PAK1: variants seen among roughly 807,000 people sequenced by gnomAD.
PAK1 encodes p21 (RAC1) activated kinase 1.
A neutral mutation model predicts 67.4 loss-of-function variants in PAK1; 29 were observed. The ratio of observed to expected loss-of-function variants is 0.43; its 90% confidence interval spans 0.32 to 0.59. PAK1 has a LOEUF of 0.59. PAK1 is among the 20% of genes least tolerant of loss of function. PAK1 has a pLI of 0.07. For synonymous variants in PAK1, 223 were observed against 237.4 expected, an observed-to-expected ratio of 0.94 and a Z score of 0.56; for missense variants, 337 against 670.7, an observed-to-expected ratio of 0.50 and a Z score of 5.50.
In PAK1 at chr11:77,343,908, A is replaced by AC; in HGVS notation, c.908_909insG (p.Gln304SerfsTer11). 1 of 1,612,316 alleles carries AC rather than the reference A, an allele frequency of 6.2e-7. No homozygotes were observed. The highest frequency in any genetic ancestry group is 8.5e-7 in the Non-Finnish European group (1 of 1,178,356). ...TCAGCTCTTTCTTGGGCTGCTGCTG[A>AC]AGATTCATCTGCTTAATGGCCACCT... On this transcript the variant is annotated frameshift_variant, in exon 10 of 15. Coordinates refer to ENST00000356341, the MANE Select transcript of PAK1 (RefSeq NM_002576.5). LOFTEE classifies it high-confidence loss of function.
chr11:77,459,182 ATAAC>A (rs1957210161), intron 1 of PAK1, among the ~76,000 whole-genome samples: 1 of 152,212 alleles, frequency 6.6e-6, no homozygotes, highest in Non-Finnish European at 1.5e-5. Flanking sequence ...AGTTCCCTGA[ATAAC>A]TAATTTACAT....
chr11:77,437,712 A>G (rs1015986168), intron 1 of PAK1, among the ~76,000 whole-genome samples: 9 of 149,906 alleles, frequency 6.0e-5, no homozygotes, highest in African/African-American at 2.0e-4. Flanking sequence ...AAATATACAC[A>G]GTACCAAGAT....
Position 77,393,169 on chromosome 11 carries a change from A to G in PAK1, c.-21-628T>C, listed in dbSNP as rs151201283. Among the ~76,000 whole-genome samples, 993 of 151,910 alleles carry G rather than the reference A, an allele frequency of 6.5e-3. 6 individuals carry two copies. Among genetic ancestry groups the G allele is most frequent in the Non-Finnish European group, 9.5e-3 (648 of 67,946 alleles). On this transcript the variant is annotated intron_variant, in intron 1 of 14. Coordinates refer to ENST00000356341, the MANE Select transcript of PAK1 (RefSeq NM_002576.5). ...TTGCAACAGAGATTGTATGTCCACAAACTTACATTATTTACTATCTTGCCC... is the reference window on the plus strand; with the variant it reads ...TTGCAACAGAGATTGTATGTCCACAGACTTACATTATTTACTATCTTGCCC...
chr11:77,465,821 GC>G (rs1478849355), intron 1 of PAK1, among the ~76,000 whole-genome samples: 2 of 152,222 alleles, frequency 1.3e-5, no homozygotes, highest in East Asian at 3.9e-4. Context: ...TTAGTAGCAT[GC>G]CCCTGTGGTC....
chr11:77,503,179 C>T, the PAK1 span, among the ~76,000 whole-genome samples: 3 of 152,132 alleles, frequency 2.0e-5, no homozygotes, highest in Non-Finnish European at 1.5e-5. Context: ...AAAGGGCAAT[C>T]GATGACTATC....
intron 1 of PAK1, among the ~76,000 whole-genome samples, chr11:77,463,274 C>T (rs183107725): frequency 1.0e-3 from 157 of 152,100 alleles, no homozygotes; most frequent in Admixed American, 2.2e-3. Context: ...GATACACAGA[C>T]ATGCGATAAA....
intron 2 of PAK1, among the ~76,000 whole-genome samples, chr11:77,380,355 T>C (rs1185212178): frequency 2.6e-5 from 4 of 151,996 alleles, no homozygotes; most frequent in Non-Finnish European, 4.4e-5. Flanking sequence ...TAGCTAGACA[T>C]GGTGGTGCAT....
chr11:77,343,902 C>T lies in PAK1; in HGVS notation c.915G>A (p.Gln305=). The change falls in exon 10 of 15, where the codon CAG becomes CAA. Residue 305 remains glutamine, a synonymous_variant. Transcript: ENST00000356341. ...EVAIKQMNLQ[Q]QPKKELIINE... is the part of the protein sequence containing the mutation. ...TAATAATCAGCTCTTTCTTGGGCTGCTGCTGAAGATTCATCTGCTTAATGG... is the reference window on the plus strand; with the variant it reads ...TAATAATCAGCTCTTTCTTGGGCTGTTGCTGAAGATTCATCTGCTTAATGG... 6 of 1,612,818 alleles carry T rather than the reference C, an allele frequency of 3.7e-6. No individual in the cohort carries two copies. Among genetic ancestry groups the T allele is most frequent in the Non-Finnish European group, 4.2e-6 (5 of 1,178,818 alleles).
intron 14 of PAK1, among the ~76,000 whole-genome samples, chr11:77,330,621 T>C (rs1941263353): frequency 6.6e-6 from 1 of 152,198 alleles, no homozygotes. Context: ...TTACACCTTA[T>C]ACAAAAATTA....
At chr11:77,488,969 T>G in the PAK1 span, among the ~76,000 whole-genome samples, 1 of 152,092 alleles carries the variant, frequency 6.6e-6, no homozygotes, top group Non-Finnish European at 1.5e-5. Flanking sequence ...CCAGGTAGAT[T>G]TAGCCCAAAT....
At chr11:77,351,923 T>C (rs1351393333) in intron 8 of PAK1, among the ~76,000 whole-genome samples, 2 of 152,206 alleles carry the variant, frequency 1.3e-5, no homozygotes, top group Admixed American at 1.3e-4. Flanking sequence ...GCACAAATCT[T>C]AAGTGTACAA....
chr11:77,528,525 G>C, the PAK1 span, among the ~76,000 whole-genome samples: 5 of 151,944 alleles, frequency 3.3e-5, no homozygotes, highest in East Asian at 9.7e-4. Flanking sequence ...TTAAACTTTT[G>C]GTAGAGATGA....
the PAK1 span, among the ~76,000 whole-genome samples, chr11:77,503,479 C>CT: frequency 3.3e-5 from 5 of 152,336 alleles, no homozygotes; most frequent in South Asian, 4.1e-4. Flanking sequence ...CCTTTTTACA[C>CT]TTTTAAAAAT....
intron 1 of PAK1, among the ~76,000 whole-genome samples, chr11:77,455,501 T>C (rs1317774943): frequency 6.6e-6 from 1 of 152,218 alleles, no homozygotes; most frequent in Non-Finnish European, 1.5e-5. Flanking sequence ...AACAGGTTCC[T>C]GATTCTGGCA....
At chr11:77,419,704 A>G (rs1279203525) in intron 1 of PAK1, among the ~76,000 whole-genome samples, 1 of 152,228 alleles carries the variant, frequency 6.6e-6, no homozygotes, top group African/African-American at 2.4e-5. Flanking sequence ...TGGAAATTAT[A>G]AATCTCCTGA....
chr11:77,380,074 G>A, intron 2 of PAK1, 80 bp from the exon 3 acceptor site: 3 of 1,029,630 alleles, frequency 2.9e-6, no homozygotes, highest in Non-Finnish European at 4.4e-6. Context: ...TTATTGAGCT[G>A]TAGTCTCCTT....
chr11:77,387,700 G>A (rs1047296392), intron 2 of PAK1, among the ~76,000 whole-genome samples: 1 of 152,174 alleles, frequency 6.6e-6, no homozygotes, highest in East Asian at 1.9e-4. Context: ...GCCTACTAAT[G>A]ATATAGGATG....
In PAK1 at chr11:77,454,912, T is replaced by A. The variant is rs550082990; in HGVS notation, c.-22+18640A>T. Among the ~76,000 whole-genome samples the A allele has an allele frequency of 3.3e-5, 5 of 152,310 alleles. No individual in the cohort carries two copies. In the East Asian group the frequency reaches 9.6e-4, roughly 29 times the overall value. On this transcript the variant is annotated intron_variant, in intron 1 of 14. Coordinates refer to ENST00000356341, the MANE Select transcript of PAK1 (RefSeq NM_002576.5). ...GTAGTTCAGGGATGGGCAGGTGGTC[T>A]CTACTGGTTCAATTTCACTGAGGAG...
intron 2 of PAK1, among the ~76,000 whole-genome samples, chr11:77,388,327 C>T (rs1950704590): frequency 6.6e-6 from 1 of 152,188 alleles, no homozygotes; most frequent in Non-Finnish European, 1.5e-5. Flanking sequence ...TGCAACATCA[C>T]ATTTATGTAA....
Sources: allele counts gnomAD v4.1 joint callset (sites outside exome capture counted in the v4.1 genomes callset), GRCh38; gene constraint gnomAD v4.1.1; transcripts MANE v1.5; gene names NCBI Gene and HGNC (gene_info 2026-07-23, HGNC 2026-07-21).